WDR25: variants seen among roughly 807,000 people sequenced by gnomAD.
WDR25 encodes WD repeat domain 25, also known as WD repeat-containing protein 25.
Under a neutral mutation model 47.7 loss-of-function variants are expected in WDR25, and 35 were observed. The ratio of observed to expected loss-of-function variants is 0.73; its 90% CI spans 0.56 to 0.97. WDR25 has a LOEUF of 0.97. Ranked by LOEUF, WDR25 falls within the 50% of genes least tolerant of loss-of-function variation. The pLI, the probability that WDR25 is intolerant of heterozygous loss-of-function variation, is 0.00. For synonymous variants in WDR25, 248 were observed against 278.9 expected, an observed-to-expected ratio of 0.89 and a Z score of 1.10; for missense variants, 634 against 704.7, an observed-to-expected ratio of 0.90 and a Z score of 1.14.
At chr14:100,402,794 C>T (rs1897418455) in intron 2 of WDR25, among the ~76,000 whole-genome samples, 1 of 152,182 alleles carries the variant, frequency 6.6e-6, no homozygotes, top group South Asian at 2.1e-4. Flanking sequence ...CTGTGAGCTC[C>T]AGAGGAAGTC....
chr14:100,442,525 C>A (rs1898701435), intron 2 of WDR25, among the ~76,000 whole-genome samples: 1 of 152,234 alleles, frequency 6.6e-6, no homozygotes. Context: ...CTCTCTCTTG[C>A]CCCTGAACTG....
intron 2 of WDR25, among the ~76,000 whole-genome samples, chr14:100,398,995 G>A (rs1897318382): frequency 6.6e-6 from 1 of 151,412 alleles, no homozygotes; most frequent in Non-Finnish European, 1.5e-5. Flanking sequence ...CCTTAATGAG[G>A]CTTAAAGAGC....
At chr14:100,461,388 A>AT (rs1367026628) in intron 2 of WDR25, among the ~76,000 whole-genome samples, 21 of 152,366 alleles carry the variant, frequency 1.4e-4, no homozygotes, top group Non-Finnish European at 2.6e-4. Flanking sequence ...TACCATTTAT[A>AT]TTATCAAACT....
Position 100,529,525 on chromosome 14 carries a change from A to T in WDR25, c.1414-295A>T, listed in dbSNP as rs1412006675. 1.7e-6 allele frequency: 1 copy of T among 590,446 alleles called. No homozygotes were observed. The highest frequency in any genetic ancestry group is 1.9e-5 in the African/African-American group (1 of 53,624). The allele number at this position is 590,446 out of a possible 1,614,324, so 36.6% of individuals were successfully genotyped here. On this transcript the variant is annotated intron_variant, in intron 6 of 6. Transcript: ENST00000402312. The surrounding 1 kb of genome is among the most constrained non-coding windows in gnomAD (Gnocchi z 5.1). The stretch of plus-strand genomic sequence containing the variant: ...ATCCTTCCCTTTCCTCACTGAGGCC[A>T]AGCCTTGCTGGGGTGGAAGGGGCTG...
chr14:100,381,044 T>C lies in WDR25; in HGVS notation c.120T>C (p.Ser40=), dbSNP rs765320028. Residue 40 remains serine, a synonymous_variant, in exon 2 of 7, where the codon TCT becomes TCC. Coordinates refer to ENST00000402312, the MANE Select transcript of WDR25 (RefSeq NM_001161476.3). ...FNATGQQKDT[S]GVARPPGQDF... ...CTACCGGCCAGCAGAAAGACACTTC[T>C]GGTGTGGCCAGACCACCTGGGCAGG... is the stretch of plus-strand genomic sequence containing the variant. 1 of 1,614,236 alleles carries C rather than the reference T, an allele frequency of 6.2e-7. No homozygotes were observed. The highest frequency in any genetic ancestry group is 1.7e-5 in the Admixed American group (1 of 60,036).
chr14:100,383,294 C>T (rs755675879), intron 2 of WDR25, among the ~76,000 whole-genome samples: 6 of 152,156 alleles, frequency 3.9e-5, no homozygotes, highest in Non-Finnish European at 7.3e-5. Context: ...GTGAAGTGTG[C>T]GCGGAGGCTT....
intron 3 of WDR25, among the ~76,000 whole-genome samples, chr14:100,475,288 A>G (rs1291384060): frequency 6.6e-6 from 1 of 152,228 alleles, no homozygotes; most frequent in African/African-American, 2.4e-5. Context: ...TGTATCTCCA[A>G]AGGAATTGAA....
At chr14:100,507,688 G>A (rs1901161817) in intron 4 of WDR25, among the ~76,000 whole-genome samples, 1 of 147,126 alleles carries the variant, frequency 6.8e-6, no homozygotes, top group African/African-American at 2.5e-5. Context: ...AAATGGTATT[G>A]CAAATGGGAT....
At chr14:100,389,310 CTTTGTT>C (rs1331407106) in intron 2 of WDR25, among the ~76,000 whole-genome samples, 9 of 152,146 alleles carry the variant, frequency 5.9e-5, no homozygotes, top group African/African-American at 2.2e-4. Context: ...ATGGTAGGTA[CTTTGTT>C]TTTGTAGCCT....
chr14:100,419,056 T>A (rs565754465), intron 2 of WDR25, among the ~76,000 whole-genome samples: 2 of 151,898 alleles, frequency 1.3e-5, no homozygotes, highest in Non-Finnish European at 2.9e-5. Flanking sequence ...CCATCTCTAC[T>A]AAAAATACAA....
At chr14:100,466,783 A>G (rs1899644217) in intron 2 of WDR25, among the ~76,000 whole-genome samples, 1 of 152,230 alleles carries the variant, frequency 6.6e-6, no homozygotes. Context: ...CCTGGGTGGT[A>G]GGTGAGAGCA....
At chr14:100,482,493 T>A (rs1242633674) in intron 3 of WDR25, among the ~76,000 whole-genome samples, 1 of 152,160 alleles carries the variant, frequency 6.6e-6, no homozygotes, top group Non-Finnish European at 1.5e-5. Context: ...TTAACACAGA[T>A]ATCTATATAT....
At chr14:100,496,619 C>T (rs1327415431) in intron 4 of WDR25, among the ~76,000 whole-genome samples, 3 of 152,092 alleles carry the variant, frequency 2.0e-5, no homozygotes, top group Admixed American at 2.0e-4. Flanking sequence ...ACACATTTTC[C>T]TCTCAGCACT....
chr14:100,391,728 T>G (rs1897150420), intron 2 of WDR25, among the ~76,000 whole-genome samples: 1 of 152,230 alleles, frequency 6.6e-6, no homozygotes, highest in African/African-American at 2.4e-5. Flanking sequence ...CTCCACATAC[T>G]GCAGTAGCAG....
intron 3 of WDR25, among the ~76,000 whole-genome samples, chr14:100,479,101 C>T (rs989841577): frequency 5.9e-5 from 9 of 151,860 alleles, no homozygotes; most frequent in Non-Finnish European, 1.2e-4. Flanking sequence ...CAGTGGTATC[C>T]GTGTCCTCCT....
intron 3 of WDR25, among the ~76,000 whole-genome samples, chr14:100,478,265 C>A (rs964621651): frequency 2.6e-5 from 4 of 152,194 alleles, no homozygotes; most frequent in Non-Finnish European, 5.9e-5. Flanking sequence ...TCATGCACCG[C>A]GTTACATTTA....
chr14:100,485,418 C>CAGTG (rs1362247649), intron 4 of WDR25, among the ~76,000 whole-genome samples: 1 of 152,228 alleles, frequency 6.6e-6, no homozygotes, highest in Admixed American at 6.5e-5. Context: ...GCTTCTAAAA[C>CAGTG]AGTGCCTGGC....
chr14:100,519,852 C>G, intron 4 of WDR25, among the ~76,000 whole-genome samples: 1 of 132,236 alleles, frequency 7.6e-6, no homozygotes, highest in East Asian at 2.1e-4. Flanking sequence ...ACTATATATG[C>G]TATATATATA....
chr14:100,381,982 A>G (rs764911015), intron 2 of WDR25: 21 of 677,990 alleles, frequency 3.1e-5, no homozygotes, highest in Admixed American at 4.4e-5. Flanking sequence ...ACTGTTTCTT[A>G]TCCCTCTCGG....
Sources: allele counts gnomAD v4.1 joint callset (sites outside exome capture counted in the v4.1 genomes callset), GRCh38; gene constraint gnomAD v4.1.1; non-coding constraint Gnocchi (gnomAD v3.1); transcripts MANE v1.5; gene names NCBI Gene and HGNC (gene_info 2026-07-23, HGNC 2026-07-21).